Variants in ATP2A3 observed in about 807,000 individuals in gnomAD.
ATP2A3 encodes ATPase sarcoplasmic/endoplasmic reticulum Ca2+ transporting 3.
Under a neutral mutation model 106.8 loss-of-function variants are expected in ATP2A3, and 61 were observed. The ratio of observed to expected loss-of-function variants is 0.57; its 90% CI spans 0.46 to 0.71. The LOEUF is 0.71. ATP2A3 is among the 30% of genes least tolerant of loss of function. The pLI is 0.00. For missense variants in ATP2A3, 1,201 were observed against 1,423.5 expected (o/e 0.84, Z 2.52); for synonymous variants, 611 against 609.3 (o/e 1.00, Z -0.04).
chr17:3,925,139 C>A lies in ATP2A3; in HGVS notation c.*283G>T. The A allele has an allele frequency of 1.7e-6, 1 of 588,084 alleles. No homozygotes were observed. The allele number at this position is 588,084 out of a possible 1,614,324, so 36.4% of individuals were successfully genotyped here. A position where few individuals can be genotyped will look rare whatever the true frequency, so the allele number is the denominator to read the frequency against. ...CTGCCAGCTCCGGCTTCTTGGCTGCCCCCTCCCAGCCTGCAGCTCCTGGGC... is the reference window on the plus strand; with the variant it reads ...CTGCCAGCTCCGGCTTCTTGGCTGCACCCTCCCAGCCTGCAGCTCCTGGGC... On this transcript the variant is annotated 3_prime_UTR_variant, in exon 21 of 21. Transcript: ENST00000397041. The surrounding 1 kb of genome is among the most constrained non-coding windows in gnomAD (Gnocchi z 4.2).
chr17:3,958,857 T>TATATACAC (rs1567726923), intron 1 of ATP2A3, among the ~76,000 whole-genome samples: 1 of 109,870 alleles, frequency 9.1e-6, no homozygotes, highest in African/African-American at 4.5e-5. Context: ...TAAATATATA[T>TATATACAC]ATATATATAT....
intron 10 of ATP2A3, 21 bp from the exon 11 acceptor site, chr17:3,943,543 AG>A: frequency 6.2e-7 from 1 of 1,613,784 alleles, no homozygotes; most frequent in Middle Eastern, 1.7e-4. Context: ...CCCAGGGGAT[AG>A]GGAGTGAGGG....
chr17:3,953,541 G>A lies in ATP2A3; in HGVS notation c.137-112C>T, dbSNP rs568976333. 2.0e-6 allele frequency: 3 copies of A among 1,499,826 alleles called. No individual in the cohort carries two copies. The highest frequency in any genetic ancestry group is 2.8e-5 in the African/African-American group (2 of 72,110). 92.9% of individuals were successfully genotyped at this position (1,499,826 alleles called of 1,614,324 possible). A position where few individuals can be genotyped will look rare whatever the true frequency, so the allele number is the denominator to read the frequency against. On this transcript the variant is annotated intron_variant, in intron 2 of 20. Coordinates refer to ENST00000397041, the MANE Select transcript of ATP2A3 (RefSeq NM_005173.4). This position sits in a 1 kb window ranked among gnomAD's most constrained non-coding sequence, Gnocchi z 5.1. The stretch of plus-strand genomic sequence containing the variant: ...CCATTCCCTCCCTGCACTCAGAAGA[G>A]GGAGAACCCAGGTCGCTGAGAGGCT...
intron 1 of ATP2A3, among the ~76,000 whole-genome samples, chr17:3,957,116 AG>A (rs1456316384): frequency 6.6e-6 from 1 of 152,270 alleles, no homozygotes; most frequent in African/African-American, 2.4e-5. Context: ...TGCTTAGCGG[AG>A]GTCATAGCAG....
In ATP2A3 at chr17:3,936,478, G is replaced by C. The variant is rs764592968; in HGVS notation, c.2322-9C>G. On this transcript the variant is annotated splice_polypyrimidine_tract_variant and intron_variant, in intron 15 of 20. Coordinates refer to ENST00000397041, the MANE Select transcript of ATP2A3 (RefSeq NM_005173.4). This position sits in a 1 kb window ranked among gnomAD's most constrained non-coding sequence, Gnocchi z 5.4. The stretch of plus-strand genomic sequence containing the variant: ...TTGCCGTGAGGAAGATGCTGGAACA[G>C]AGTCATGAGCTCTAGCCCCGGTAGG... 52 of 1,613,642 alleles carry C rather than the reference G, an allele frequency of 3.2e-5. No homozygotes were observed. The highest frequency in any genetic ancestry group is 1.7e-4 in the Middle Eastern group (1 of 5,860).
At chr17:3,957,283 G>A (rs904520232) in intron 1 of ATP2A3, among the ~76,000 whole-genome samples, 37 of 152,190 alleles carry the variant, frequency 2.4e-4, no homozygotes, top group Admixed American at 2.1e-3. Flanking sequence ...GTCACACAGC[G>A]GGGGAGACAG....
rs1040096484 is a variant in ATP2A3, at chr17:3,926,526, T to G, written c.2981-1085A>C. On this transcript the variant is annotated intron_variant, in intron 20 of 20. Transcript: ENST00000397041. The surrounding 1 kb of genome is among the most constrained non-coding windows in gnomAD (Gnocchi z 4.6). ...TTCTGGGGCCAGCTCCCCAGATCTG[T>G]TCAATGCCGCTCGCCCACCTCCTGG... 1.1e-4 allele frequency among the ~76,000 whole-genome samples: 16 copies of G among 152,060 alleles called. No individual in the cohort carries two copies. Among genetic ancestry groups the G allele is most frequent in the African/African-American group, 3.9e-4 (16 of 41,388 alleles).
At chr17:3,958,803 C>CACACACACACACATATATAT (rs1360510865) in intron 1 of ATP2A3, among the ~76,000 whole-genome samples, 6 of 116,092 alleles carry the variant, frequency 5.2e-5, no homozygotes, top group African/African-American at 1.5e-4. Context: ...CATATATATA[C>CACACACACACACATATATAT]ACACATATAT....
rs373288442 is a variant in ATP2A3 at position 3,936,317 on chromosome 17, C to T, written c.2474G>A (p.Arg825Gln). 16 of 1,613,916 alleles carry T rather than the reference C, an allele frequency of 9.9e-6. 1 individual carries two copies. Among genetic ancestry groups the T allele is most frequent in the Admixed American group, 6.7e-5 (4 of 59,992 alleles). Residue 825 changes from arginine to glutamine, a missense_variant, in exon 16 of 21, where the codon CGA becomes CAA. Around this residue, in one of 2 missense-constraint regions of ATP2A3, gnomAD observed 935 missense variants for 1,176.7 expected, o/e 0.79. Transcript: ENST00000397041. This position sits in a 1 kb window ranked among gnomAD's most constrained non-coding sequence, Gnocchi z 5.4. ...DIMEKLPRSP[R>Q]EALISGWLFF... Reference sequence around the variant, plus strand: ...GAGCCAGCCACTGATGAGGGCTTCTCGGGGGCTCCGGGGCAGCTTCTCCAT... The same window carrying T: ...GAGCCAGCCACTGATGAGGGCTTCTTGGGGGCTCCGGGGCAGCTTCTCCAT...
At chr17:3,950,801 G>T in intron 5 of ATP2A3, 28 bp from the exon 6 acceptor site, 1 of 1,607,994 alleles carries the variant, frequency 6.2e-7, no homozygotes, top group South Asian at 1.1e-5. Flanking sequence ...CTTGGCTGAG[G>T]GTGGCTTTGG....
At position 3,936,599 on chromosome 17, in the gene ATP2A3, G is replaced by T. The variant is rs764651536; in HGVS notation, c.2322-130C>A. 1.5e-5 allele frequency: 15 copies of T among 969,876 alleles called. No individual in the cohort carries two copies. Among genetic ancestry groups the T allele is most frequent in the Non-Finnish European group, 2.4e-5 (15 of 620,352 alleles). The allele number at this position is 969,876 out of a possible 1,614,324, so 60.1% of individuals were successfully genotyped here. On this transcript the variant is annotated intron_variant, in intron 15 of 20. Coordinates refer to ENST00000397041, the MANE Select transcript of ATP2A3 (RefSeq NM_005173.4). This position sits in a 1 kb window ranked among gnomAD's most constrained non-coding sequence, Gnocchi z 5.4. ...CTCCACAGCAGCCCCTCCTCCCTCC[G>T]CCAGCTGTGATGTGAAGGGTGTGTG... is the stretch of plus-strand genomic sequence containing the variant.
Position 3,928,442 on chromosome 17 carries a change from C to T in ATP2A3, c.2980+221G>A. On this transcript the variant is annotated intron_variant, in intron 20 of 20. Transcript: ENST00000397041. This position sits in a 1 kb window ranked among gnomAD's most constrained non-coding sequence, Gnocchi z 6.1. ...TGTGGCCCAAGAGGTGCTCCCGTTG[C>T]TGGCCCAGTGAGCCCAGGTCCCCTG... is the stretch of plus-strand genomic sequence containing the variant. 8.8e-7 allele frequency: 1 copy of T among 1,132,820 alleles called. No individual in the cohort carries two copies. Among genetic ancestry groups the T allele is most frequent in the Non-Finnish European group, 1.3e-6 (1 of 773,886 alleles). 70.2% of individuals were successfully genotyped at this position (1,132,820 alleles called of 1,614,324 possible).
At position 3,928,248 on chromosome 17, in the gene ATP2A3, G is replaced by T. The variant is rs770029966; in HGVS notation, c.2980+415C>A. The T allele has an allele frequency of 1.9e-6, 3 of 1,613,618 alleles. No homozygotes were observed. Among genetic ancestry groups the T allele is most frequent in the Non-Finnish European group, 2.5e-6 (3 of 1,180,032 alleles). On this transcript the variant is annotated intron_variant, in intron 20 of 20. Coordinates refer to ENST00000397041, the MANE Select transcript of ATP2A3 (RefSeq NM_005173.4). This position sits in a 1 kb window ranked among gnomAD's most constrained non-coding sequence, Gnocchi z 6.1. ...ATACCAAAGAGGCCAACCCGGTGTG[G>T]TCTGGGGTCCAAGAGGTGGTCAGCG...
At position 3,925,253 on chromosome 17, in the gene ATP2A3, C is replaced by T. The variant is rs920189708; in HGVS notation, c.*169G>A. The stretch of plus-strand genomic sequence containing the variant: ...GCCAGAAGGAAGTGGGGACAGAGAC[C>T]CCAGGACGGGGCCCGGGGATGGCCA... On this transcript the variant is annotated 3_prime_UTR_variant, in exon 21 of 21. Transcript: ENST00000397041. The surrounding 1 kb of genome is among the most constrained non-coding windows in gnomAD (Gnocchi z 4.2). 9.1e-6 allele frequency: 10 copies of T among 1,098,322 alleles called. No homozygotes were observed. Among genetic ancestry groups the T allele is most frequent in the East Asian group, 2.5e-5 (1 of 39,638 alleles). The allele number at this position is 1,098,322 out of a possible 1,614,324, so 68.0% of individuals were successfully genotyped here.
chr17:3,937,246 C>T (rs35519903), intron 15 of ATP2A3, among the ~76,000 whole-genome samples, 170 bp downstream of exon 15: 25,204 of 152,038 alleles, frequency 0.17, 2,175 homozygotes, highest in Middle Eastern at 0.28. Context: ...TGGAGAATGA[C>T]AAGAGGTGCT....
intron 1 of ATP2A3, 146 bp downstream of exon 1, chr17:3,964,028 C>G (rs2055292921): frequency 9.2e-6 from 3 of 325,032 alleles, no homozygotes; most frequent in Non-Finnish European, 4.7e-6. Flanking sequence ...CGCGCAGCCC[C>G]GCCGGGTGCC....
chr17:3,942,484 C>T, intron 12 of ATP2A3, 122 bp downstream of exon 12: 1 of 1,406,888 alleles, frequency 7.1e-7, no homozygotes. Flanking sequence ...GCAAAAGGGG[C>T]TCCTGAGAAC....
chr17:3,941,555 T>A lies in ATP2A3; in HGVS notation c.1645A>T (p.Ile549Phe). Reference protein sequence around the residue: ...PTSREQILAKIRDWGSGSDTL... With the variant: ...PTSREQILAKFRDWGSGSDTL... ...TCTGAGCCTGAGCCCCAATCCCGGA[T>A]CTTTGCCAGGATCTGCTCCCTGGAG... Residue 549 changes from isoleucine (I) to phenylalanine (F), a missense_variant, in exon 13 of 21, where the codon ATC becomes TTC. Physicochemically the swap from Ile to Phe is conservative, Grantham distance 21. Transcript: ENST00000397041. 1 of 1,613,768 alleles carries A rather than the reference T, an allele frequency of 6.2e-7. No homozygotes were observed. The highest frequency in any genetic ancestry group is 8.5e-7 in the Non-Finnish European group (1 of 1,180,026).
In ATP2A3 at chr17:3,924,910, G is replaced by A. The variant is rs936493728; in HGVS notation, c.*512C>T. On this transcript the variant is annotated 3_prime_UTR_variant, in exon 21 of 21. Coordinates refer to ENST00000397041, the MANE Select transcript of ATP2A3 (RefSeq NM_005173.4). This position sits in a 1 kb window ranked among gnomAD's most constrained non-coding sequence, Gnocchi z 6.4. ...TCGCTGTACACAGCTGGGCCCAGAT[G>A]GCCCCTTCTGATCCCCCAGGGCTGA... 1 of 453,222 alleles carries A rather than the reference G, an allele frequency of 2.2e-6. No individual in the cohort carries two copies. Among genetic ancestry groups the A allele is most frequent in the Non-Finnish European group, 4.4e-6 (1 of 225,452 alleles). 28.1% of individuals were successfully genotyped at this position (453,222 alleles called of 1,614,324 possible).
Sources: allele counts gnomAD v4.1 joint callset (sites outside exome capture counted in the v4.1 genomes callset), GRCh38; gene constraint gnomAD v4.1.1; regional missense constraint gnomAD v4.1.1; non-coding constraint Gnocchi (gnomAD v3.1); transcripts MANE v1.5; gene names NCBI Gene and HGNC (gene_info 2026-07-23, HGNC 2026-07-21).